The following CHD1L variants were observed in gnomAD, a reference collection of about 807,000 sequenced individuals.
CHD1L encodes ATP-dependent chromatin remodeler CHD1L.
Under a neutral mutation model 115.9 loss-of-function variants are expected in CHD1L, and 118 were observed. The observed-to-expected ratio is 1.02, with a 90% confidence interval of 0.88 to 1.19. The LOEUF is 1.19. CHD1L is among the 50% of genes most tolerant of loss of function. The pLI, the probability that CHD1L is intolerant of heterozygous loss-of-function variation, is 0.00. For missense variants in CHD1L, 1,179 were observed against 1,065.3 expected, an observed-to-expected ratio of 1.11 and a Z score of -1.49; for synonymous variants, 411 against 387.1, an observed-to-expected ratio of 1.06 and a Z score of -0.72.
In CHD1L at chr1:147,295,293, A is replaced by G. The variant is rs111796673; in HGVS notation, c.2616-138A>G. The G allele has an allele frequency of 3.5e-3, 2,326 of 659,662 alleles. 48 individuals carry two copies. The African/African-American group carries it at 0.039, about 11-fold the overall frequency. The allele number at this position is 659,662 out of a possible 1,614,324, so 40.9% of individuals were successfully genotyped here. A position where few individuals can be genotyped will look rare whatever the true frequency, so the allele number is the denominator to read the frequency against. On this transcript the variant is annotated intron_variant, in intron 22 of 22. Transcript: ENST00000369258. ...ACAGCAGCAATAAGTACTAATATTG[A>G]AAGTGTTTATGATATCGTGAGAGAA...
chr1:147,212,380 G>C, the CHD1L span: 8 of 1,613,242 alleles, frequency 5.0e-6, no homozygotes, highest in Non-Finnish European at 6.8e-6. Flanking sequence ...AATAATAATT[G>C]AGTGATTCAA....
the CHD1L span, chr1:147,173,132 C>T: frequency 6.5e-6 from 1 of 152,822 alleles, no homozygotes; most frequent in Non-Finnish European, 1.5e-5. Context: ...GAAACCCCGG[C>T]TCTACTAAAA....
At chr1:147,202,510 G>T in the CHD1L span, among the ~76,000 whole-genome samples, 3 of 151,860 alleles carry the variant, frequency 2.0e-5, no homozygotes, top group Non-Finnish European at 2.9e-5. Context: ...AGTAGAGACA[G>T]GGTTTCACCA....
chr1:147,242,869 A>G (rs948378569), intron 1 of CHD1L, 39 bp downstream of exon 1: 3 of 1,257,144 alleles, frequency 2.4e-6, no homozygotes, highest in Non-Finnish European at 3.0e-6. Context: ...AGGCGGGCCA[A>G]CCTATTGGGA....
the CHD1L span, among the ~76,000 whole-genome samples, chr1:147,228,955 A>ATT: frequency 6.6e-6 from 1 of 152,104 alleles, no homozygotes; most frequent in African/African-American, 2.4e-5. Context: ...CCCATTCGGT[A>ATT]GGTTGCCTGT....
intron 18 of CHD1L, 51 bp downstream of exon 18, chr1:147,286,551 C>A: frequency 6.4e-7 from 1 of 1,557,936 alleles, no homozygotes; most frequent in South Asian, 1.1e-5. Flanking sequence ...CTTATGGTGC[C>A]AAGAACTGGG....
the CHD1L span, among the ~76,000 whole-genome samples, chr1:147,232,556 C>G: frequency 3.3e-3 from 497 of 151,316 alleles, 1 homozygote; most frequent in Non-Finnish European, 5.4e-3. Context: ...CGAGCCGAAG[C>G]TGGACTGTAC....
the CHD1L span, among the ~76,000 whole-genome samples, chr1:147,203,123 T>TTTC: frequency 6.6e-6 from 1 of 151,798 alleles, no homozygotes; most frequent in Admixed American, 6.6e-5. Flanking sequence ...CCTTTTTTTT[T>TTTC]TTTGACAGTA....
upstream of CHD1L, among the ~76,000 whole-genome samples, chr1:147,239,692 C>T (rs1480113479): frequency 6.6e-6 from 1 of 152,174 alleles, no homozygotes; most frequent in Non-Finnish European, 1.5e-5. Flanking sequence ...TCTCAGCTAC[C>T]TTTCTTAGCT....
At chr1:147,282,365 C>T (rs1681238096) in intron 15 of CHD1L, among the ~76,000 whole-genome samples, 1 of 152,152 alleles carries the variant, frequency 6.6e-6, no homozygotes, top group Non-Finnish European at 1.5e-5. Context: ...GGCACTCCTG[C>T]TCTTTGGGGT....
chr1:147,252,639 TTA>T lies in CHD1L; in HGVS notation c.145_146del (p.Tyr49ProfsTer23). Reference sequence around the variant, plus strand: ...TGTTTCTAGGGATTCACCTACGCTCTTACCAGCTGGAGGGAGTAAACTGGCTC... The same window carrying T: ...TGTTTCTAGGGATTCACCTACGCTCTCCAGCTGGAGGGAGTAAACTGGCTC... ...WGLTGIHLRS[Y>X]QLEGVNWLAQ... On this transcript the variant is annotated frameshift_variant, in exon 2 of 23. Transcript: ENST00000369258. LOFTEE classifies it high-confidence loss of function. The T allele has an allele frequency of 6.2e-7, 1 of 1,613,996 alleles. No homozygotes were observed. Among genetic ancestry groups the T allele is most frequent in the South Asian group, 1.1e-5 (1 of 91,032 alleles).
rs115299233 is a variant in CHD1L at position 147,268,076 on chromosome 1, C to T, written c.988+558C>T. On this transcript the variant is annotated intron_variant, in intron 9 of 22. Transcript: ENST00000369258. ...AGCTAATCACTTCTTTCTTGAAGCACTTTCGTCCCTCAGCTTCTGGGATAT... is the reference window on the plus strand; with the variant it reads ...AGCTAATCACTTCTTTCTTGAAGCATTTTCGTCCCTCAGCTTCTGGGATAT... Among the ~76,000 whole-genome samples the T allele has an allele frequency of 2.9e-3, 441 of 152,322 alleles. 1 individual carries two copies. Among genetic ancestry groups the T allele is most frequent in the African/African-American group, 0.01 (419 of 41,570 alleles).
the CHD1L span, among the ~76,000 whole-genome samples, chr1:147,182,247 G>C: frequency 1.1e-4 from 16 of 152,160 alleles, no homozygotes; most frequent in Non-Finnish European, 2.2e-4. Context: ...AAGTGAAAAT[G>C]TTATGTGGAA....
chr1:147,222,157 G>T, the CHD1L span, among the ~76,000 whole-genome samples: 1 of 152,160 alleles, frequency 6.6e-6, no homozygotes, highest in Admixed American at 6.5e-5. Context: ...ATCACTTGAG[G>T]TGAGGAGTTC....
the CHD1L span, among the ~76,000 whole-genome samples, chr1:147,206,937 A>T: frequency 1.9e-4 from 29 of 151,662 alleles, no homozygotes; most frequent in African/African-American, 6.1e-4. Context: ...GTATAATAAA[A>T]ATATATATAT....
rs587657707 is a variant in CHD1L at position 147,268,792 on chromosome 1, G to A, written c.999G>A (p.Pro333=). ...DHPYLFDGVE[P]EPFEVGDHLT... is the part of the protein sequence containing the mutation. ...TTCTTTCTTTTCTAGGTGTGGAGCC[G>A]GAGCCTTTTGAAGTTGGAGACCACC... The change falls in exon 10 of 23, where the codon CCG becomes CCA. Residue 333 remains proline (P), a synonymous_variant. Transcript: ENST00000369258. 8.1e-6 allele frequency: 13 copies of A among 1,613,012 alleles called. No individual in the cohort carries two copies. The highest frequency in any genetic ancestry group is 1.7e-4 in the Middle Eastern group (1 of 6,054).
In CHD1L at chr1:147,280,207, G is replaced by T; in HGVS notation, c.1705+16G>T. Reference sequence around the variant, plus strand: ...GAGGAAGGAAGTAAGTTGGAGGTTAGAGCAGAGCAAATGGCACAACCACCC... The same window carrying T: ...GAGGAAGGAAGTAAGTTGGAGGTTATAGCAGAGCAAATGGCACAACCACCC... On this transcript the variant is annotated intron_variant, in intron 15 of 22. Transcript: ENST00000369258. The T allele has an allele frequency of 6.4e-7, 1 of 1,553,374 alleles. No homozygotes were observed. Among genetic ancestry groups the T allele is most frequent in the South Asian group, 1.2e-5 (1 of 80,334 alleles).
intron 13 of CHD1L, 88 bp from the exon 14 acceptor site, chr1:147,276,016 G>A (rs1312230953): frequency 3.0e-6 from 4 of 1,335,142 alleles, no homozygotes; most frequent in African/African-American, 1.5e-5. Context: ...ATTTGGTTTT[G>A]TTTGCTTTTA....
chr1:147,270,911 T>C, intron 10 of CHD1L, 21 bp from the exon 11 acceptor site: 1 of 1,611,088 alleles, frequency 6.2e-7, no homozygotes, highest in South Asian at 1.1e-5. Context: ...TGGCAGTGTT[T>C]CCTTTTCTTT....
Sources: gnomAD v4.1 joint callset for allele counts (sites outside exome capture counted in the v4.1 genomes callset) on GRCh38, gnomAD v4.1.1 for gene constraint, MANE v1.5 for transcripts, NCBI Gene and HGNC (gene_info 2026-07-23, HGNC 2026-07-21) for gene names.